The following MYO5B variants were observed in gnomAD, a reference collection of about 807,000 sequenced individuals.
MYO5B encodes myosin VB.
A neutral mutation model predicts 229.3 loss-of-function variants in MYO5B; 143 were observed. The observed-to-expected ratio is 0.62, with a 90% confidence interval of 0.54 to 0.72. MYO5B has a LOEUF of 0.72. Among genes scored for constraint, MYO5B ranks in the 30% least tolerant of loss-of-function variants. The pLI is 0.00. For synonymous variants in MYO5B, 918 were observed against 885.2 expected, an observed-to-expected ratio of 1.04 and a Z score of -0.66; for missense variants, 2,321 against 2,331.0, an observed-to-expected ratio of 1.00 and a Z score of 0.09.
intron 1 of MYO5B, among the ~76,000 whole-genome samples, chr18:50,097,843 G>A (rs933509218): frequency 1.3e-5 from 2 of 152,192 alleles, no homozygotes; most frequent in Non-Finnish European, 1.5e-5. Flanking sequence ...GAGGGCAGTG[G>A]ATCACACACC....
At chr18:50,075,155 G>T (rs1354719394) in intron 1 of MYO5B, among the ~76,000 whole-genome samples, 5 of 152,118 alleles carry the variant, frequency 3.3e-5, no homozygotes. Context: ...TATTTGTAGG[G>T]GACACCATTT....
chr18:50,173,658 C>T (rs2032952281), intron 1 of MYO5B, among the ~76,000 whole-genome samples: 1 of 152,154 alleles, frequency 6.6e-6, no homozygotes, highest in African/African-American at 2.4e-5. Context: ...ACAGGACTTG[C>T]TGATGGAGTG....
intron 8 of MYO5B, among the ~76,000 whole-genome samples, chr18:49,982,170 A>G (rs1362829660): frequency 1.3e-5 from 2 of 152,174 alleles, no homozygotes; most frequent in Admixed American, 1.3e-4. Flanking sequence ...TCCTGGGCTC[A>G]AGCAATCCTC....
chr18:49,868,720 G>A (rs570187829), intron 27 of MYO5B, among the ~76,000 whole-genome samples: 1 of 152,254 alleles, frequency 6.6e-6, no homozygotes, highest in South Asian at 2.1e-4. Flanking sequence ...TTTGCACACT[G>A]GCCGGGGCTA....
At position 49,875,769 on chromosome 18, in the gene MYO5B, CT is replaced by C; in HGVS notation, c.3454del (p.Arg1152GlufsTer36). 7 of 1,614,188 alleles carry C rather than the reference CT, an allele frequency of 4.3e-6. No homozygotes were observed. The highest frequency in any genetic ancestry group is 5.9e-6 in the Non-Finnish European group (7 of 1,180,022). On this transcript the variant is annotated frameshift_variant, in exon 26 of 40. Transcript: ENST00000285039. LOFTEE classifies it high-confidence loss of function. ...CCTCTCCTGCTCCAGCTCCCGTACT[CT>C]CTTCTGCAGCTTCAGGAAGACCGTC... ...DMTVFLKLQK[R>X]VRELEQERKK... is the part of the protein sequence containing the mutation.
intron 11 of MYO5B, 61 bp from the exon 12 acceptor site, chr18:49,962,467 C>T (rs1057499087): frequency 1.9e-6 from 3 of 1,610,814 alleles, no homozygotes; most frequent in African/African-American, 1.3e-5. Flanking sequence ...TTCACCTCCC[C>T]CAGGGGCTCA....
At chr18:50,127,479 C>T (rs2032183697) in intron 1 of MYO5B, among the ~76,000 whole-genome samples, 1 of 152,190 alleles carries the variant, frequency 6.6e-6, no homozygotes, top group Admixed American at 6.5e-5. Context: ...TGGTATCTGC[C>T]ACCCTTCACA....
chr18:50,039,504 T>C (rs2029940163), intron 3 of MYO5B, among the ~76,000 whole-genome samples: 1 of 152,036 alleles, frequency 6.6e-6, no homozygotes, highest in African/African-American at 2.4e-5. Context: ...GCTAATTTTT[T>C]GTACTTTTAG....
At chr18:49,961,066 T>C (rs892382856) in intron 12 of MYO5B, among the ~76,000 whole-genome samples, 1 of 152,170 alleles carries the variant, frequency 6.6e-6, no homozygotes, top group African/African-American at 2.4e-5. Context: ...AAAAGGAGCA[T>C]GACCTTGGCT....
At chr18:49,931,319 C>T (rs77295790) in intron 16 of MYO5B, among the ~76,000 whole-genome samples, 7,894 of 152,194 alleles carry the variant, frequency 0.052, 300 homozygotes, top group Non-Finnish European at 0.076. Context: ...ACACTCTCCC[C>T]TCCAGGCTGT....
chr18:50,153,287 G>C (rs868527303), intron 1 of MYO5B, among the ~76,000 whole-genome samples: 3 of 152,178 alleles, frequency 2.0e-5, no homozygotes, highest in Non-Finnish European at 2.9e-5. Context: ...AGTGCTCCAA[G>C]TGTTAACTTC....
intron 1 of MYO5B, among the ~76,000 whole-genome samples, chr18:50,100,938 A>G (rs1378108663): frequency 6.6e-6 from 1 of 152,232 alleles, no homozygotes; most frequent in Admixed American, 6.5e-5. Flanking sequence ...ATGAAAACCT[A>G]GAACTTCAGT....
chr18:50,172,223 G>A (rs568734950), intron 1 of MYO5B, among the ~76,000 whole-genome samples: 9 of 149,112 alleles, frequency 6.0e-5, no homozygotes, highest in Admixed American at 4.7e-4. Flanking sequence ...CGAGGCTGCC[G>A]TGAGCCATGA....
rs148689335 is a variant in MYO5B, at chr18:50,108,137, G to C, written c.28-52759C>G. Among the ~76,000 whole-genome samples the C allele has an allele frequency of 7.2e-3, 1,103 of 152,236 alleles. 8 individuals are homozygous for C. The highest frequency in any genetic ancestry group is 0.025 in the African/African-American group (1,035 of 41,538). On this transcript the variant is annotated intron_variant, in intron 1 of 39. Transcript: ENST00000285039. The stretch of plus-strand genomic sequence containing the variant: ...TTGCCAGGCTGGTCTTGAACAACTG[G>C]CTTCAAGAGATCTGCCTACCCTGGC...
chr18:49,941,824 C>A (rs2025316913), intron 14 of MYO5B, among the ~76,000 whole-genome samples: 1 of 110,912 alleles, frequency 9.0e-6, no homozygotes, highest in Non-Finnish European at 2.0e-5. Flanking sequence ...TTGGAAAAAA[C>A]TACTTTAAAG....
At chr18:50,002,917 A>G (rs768674879) in intron 4 of MYO5B, among the ~76,000 whole-genome samples, 20 of 152,166 alleles carry the variant, frequency 1.3e-4, no homozygotes, top group Middle Eastern at 3.2e-3. Flanking sequence ...GAAGCACCAC[A>G]GGGGTTTGCC....
chr18:49,996,158 C>T (rs1198663619), intron 5 of MYO5B, among the ~76,000 whole-genome samples: 1 of 152,196 alleles, frequency 6.6e-6, no homozygotes, highest in Non-Finnish European at 1.5e-5. Flanking sequence ...TGCCCAAGGT[C>T]TAAAGATCAC....
At chr18:50,141,245 C>T (rs2032412853) in intron 1 of MYO5B, among the ~76,000 whole-genome samples, 1 of 152,256 alleles carries the variant, frequency 6.6e-6, no homozygotes, top group African/African-American at 2.4e-5. Flanking sequence ...CCAGGAGTCA[C>T]TGCCCCTTTC....
rs1324944486 is a variant in MYO5B at position 49,824,134 on chromosome 18, GT to G, written c.*2336del. The G allele has an allele frequency of 6.6e-6, 1 of 152,466 alleles. No individual in the cohort carries two copies. The highest frequency in any genetic ancestry group is 2.4e-5 in the African/African-American group (1 of 41,460). The allele number at this position is 152,466 out of a possible 1,614,324, so 9.4% of individuals were successfully genotyped here. A position where few individuals can be genotyped will look rare whatever the true frequency, so the allele number is the denominator to read the frequency against. ...TACTGATTTCATGACACTGATAAAT[GT>G]TTGAATTGAAATGATTTTTTAAAAT... On this transcript the variant is annotated 3_prime_UTR_variant, in exon 40 of 40. Transcript: ENST00000285039.
Sources: allele counts gnomAD v4.1 joint callset (sites outside exome capture counted in the v4.1 genomes callset), GRCh38; gene constraint gnomAD v4.1.1; transcripts MANE v1.5; gene names NCBI Gene and HGNC (gene_info 2026-07-23, HGNC 2026-07-21).